Variants in FAT1 observed in about 807,000 individuals in gnomAD.
The protein encoded by FAT1 is FAT atypical cadherin 1, also known as protocadherin Fat 1.
In FAT1, 171 loss-of-function variants were observed where a neutral mutation model predicts 329.8. That is an observed-to-expected ratio of 0.52 (90% CI 0.46 to 0.59). The LOEUF (loss-of-function observed/expected upper bound fraction) is 0.59. Among genes scored for constraint, FAT1 ranks in the 20% least tolerant of loss-of-function variants. The pLI is 0.00. For missense variants in FAT1, 5,672 were observed against 5,774.4 expected (o/e 0.98, Z 0.57); for synonymous variants, 2,233 against 2,228.6 (o/e 1.00, Z -0.06).
rs77779780 is a variant in FAT1, at chr4:186,643,058, A to G, written c.3581-3275T>C. Among the ~76,000 whole-genome samples the G allele has an allele frequency of 3.9e-5, 6 of 152,220 alleles. No homozygotes were observed. In the South Asian group the frequency reaches 6.2e-4, roughly 16 times the overall value. Reference sequence around the variant, plus strand: ...ACGAAGATGTAGACTTCCACTAACAAATACAGTCACCACTAGCCTCCTGAG... The same window carrying G: ...ACGAAGATGTAGACTTCCACTAACAGATACAGTCACCACTAGCCTCCTGAG... On this transcript the variant is annotated intron_variant, in intron 3 of 26. Transcript: ENST00000441802.
At chr4:186,614,016 G>A (rs1016073230) in intron 12 of FAT1, among the ~76,000 whole-genome samples, 175 bp downstream of exon 12, 2 of 151,978 alleles carry the variant, frequency 1.3e-5, no homozygotes, top group Non-Finnish European at 1.5e-5. Flanking sequence ...ATCTCACCTT[G>A]AATTTTACGC....
rs528553183 is a variant in FAT1 at position 186,708,494 on chromosome 4, G to A, written c.1334C>T (p.Ala445Val). 4.0e-5 allele frequency: 64 copies of A among 1,613,918 alleles called. No individual in the cohort carries two copies. In the South Asian group the frequency reaches 4.3e-4, roughly 11 times the overall value. ...GACTTTCACCAAGACCTTGGTGGAC[G>A]CTTTTCTGTCACTTGTTGTTACTTC... ...ELEVTTSDRK[A>V]STKVLVKVLG... The change falls in exon 2 of 27, where the codon GCG becomes GTG. Residue 445 changes from alanine to valine, a missense_variant. This residue lies in a region of FAT1 where 3,966 missense variants were observed against 3,915.2 expected (regional missense o/e 1.01). Transcript: ENST00000441802.
Position 186,703,352 on chromosome 4 carries a change from A to T in FAT1, c.3265+3211T>A, listed in dbSNP as rs567989233. ...AAAACAGAAAACTACGTTTCAGAGGATGTTTCCAATTTAAGCAGATTTAAA... is the reference window on the plus strand; with the variant it reads ...AAAACAGAAAACTACGTTTCAGAGGTTGTTTCCAATTTAAGCAGATTTAAA... On this transcript the variant is annotated intron_variant, in intron 2 of 26. Transcript: ENST00000441802. 3.9e-5 allele frequency among the ~76,000 whole-genome samples: 6 copies of T among 152,368 alleles called. No individual in the cohort carries two copies. The East Asian group carries it at 1.2e-3, about 29-fold the overall frequency.
intron 2 of FAT1, among the ~76,000 whole-genome samples, chr4:186,700,658 T>C (rs1400564761): frequency 1.3e-5 from 2 of 152,180 alleles, no homozygotes; most frequent in East Asian, 1.9e-4. Flanking sequence ...AGATCATTCT[T>C]CAAAGAGTAA....
At chr4:186,679,991 G>C (rs747933013) in intron 2 of FAT1, among the ~76,000 whole-genome samples, 2 of 152,160 alleles carry the variant, frequency 1.3e-5, no homozygotes, top group Non-Finnish European at 2.9e-5. Flanking sequence ...AAACTAACCT[G>C]TTTACTGCTA....
chr4:186,719,557 G>A (rs1269014334), intron 1 of FAT1, among the ~76,000 whole-genome samples: 1 of 152,082 alleles, frequency 6.6e-6, no homozygotes, highest in Non-Finnish European at 1.5e-5. Context: ...AATCAACCAA[G>A]TTTGCAAACT....
Position 186,707,662 on chromosome 4 carries a change from A to G in FAT1, c.2166T>C (p.Thr722=), listed in dbSNP as rs1457700934. 1 of 1,613,902 alleles carries G rather than the reference A, an allele frequency of 6.2e-7. No individual in the cohort carries two copies. Among genetic ancestry groups the G allele is most frequent in the African/African-American group, 1.3e-5 (1 of 74,932 alleles). The change falls in exon 2 of 27, where the codon ACT becomes ACC. Residue 722 remains threonine, a synonymous_variant. Coordinates refer to ENST00000441802, the MANE Select transcript of FAT1 (RefSeq NM_005245.4). Reference sequence around the variant, plus strand: ...GCTGGTTTTCCTTTACCTGAATACCAGTCGGAAGAGTGCTTCTAAACTGCG... The same window carrying G: ...GCTGGTTTTCCTTTACCTGAATACCGGTCGGAAGAGTGCTTCTAAACTGCG... ...HIPQFRSTLP[T]GIQVKENQPV...
At chr4:186,646,380 T>C (rs375755053) in intron 3 of FAT1, among the ~76,000 whole-genome samples, 1 of 152,206 alleles carries the variant, frequency 6.6e-6, no homozygotes, top group Non-Finnish European at 1.5e-5. Flanking sequence ...ACCACAGCCA[T>C]ACACGTTCTA....
At chr4:186,678,197 A>C (rs772040522) in intron 2 of FAT1, among the ~76,000 whole-genome samples, 32 of 152,202 alleles carry the variant, frequency 2.1e-4, no homozygotes, top group Non-Finnish European at 3.7e-4. Context: ...CATATATTCA[A>C]ACTAACCACT....
At position 186,588,708 on chromosome 4, in the gene FAT1, C is replaced by A. The variant is rs775695644; in HGVS notation, c.13651G>T (p.Ala4551Ser). The change falls in exon 27 of 27, where the codon GCC becomes TCC. Residue 4551 changes from alanine to serine, a missense_variant. By Grantham distance (99) the Ala-to-Ser change is moderately conservative. Coordinates refer to ENST00000441802, the MANE Select transcript of FAT1 (RefSeq NM_005245.4). ...ASTASCSDVS[A>S]CCEVESEVMM... ...ACCTCGGACTCCACTTCGCAGCAGGCTGACACGTCAGAGCAGGAGGCGGTG... is the reference window on the plus strand; with the variant it reads ...ACCTCGGACTCCACTTCGCAGCAGGATGACACGTCAGAGCAGGAGGCGGTG... The A allele has an allele frequency of 3.7e-6, 6 of 1,613,976 alleles. No individual in the cohort carries two copies. The highest frequency in any genetic ancestry group is 5.1e-6 in the Non-Finnish European group (6 of 1,179,890).
intron 2 of FAT1, among the ~76,000 whole-genome samples, chr4:186,686,241 C>T (rs189285186): frequency 3.1e-4 from 46 of 146,214 alleles, no homozygotes; most frequent in African/African-American, 1.0e-3. Flanking sequence ...AATTTTCACC[C>T]CCCCCCGACA....
At chr4:186,604,941 A>C (rs116245480) in intron 17 of FAT1, among the ~76,000 whole-genome samples, 1 of 151,768 alleles carries the variant, frequency 6.6e-6, no homozygotes, top group Non-Finnish European at 1.5e-5. Flanking sequence ...AGACGAGGCC[A>C]GGCGCGGTGG....
chr4:186,599,609 G>A (rs1738698036), intron 22 of FAT1, among the ~76,000 whole-genome samples: 1 of 152,186 alleles, frequency 6.6e-6, no homozygotes, highest in Non-Finnish European at 1.5e-5. Flanking sequence ...GATGACTATG[G>A]AGTTAAAGAA....
Position 186,679,416 on chromosome 4 carries a change from C to CAA in FAT1, c.3266-15805_3266-15804dup, listed in dbSNP as rs1169141587. ...TGGGTGACAGAGTGAGACTCTGTCT[C>CAA]AAAAAAAAAAAAAAAAAAAAAAAAA... is the stretch of plus-strand genomic sequence containing the variant. On this transcript the variant is annotated intron_variant, in intron 2 of 26. Transcript: ENST00000441802. 3.2e-3 allele frequency among the ~76,000 whole-genome samples: 162 copies of CAA among 50,154 alleles called. 1 individual carries two copies. Among genetic ancestry groups the CAA allele is most frequent in the Non-Finnish European group, 4.2e-3 (100 of 23,614 alleles). The allele number at this position is 50,154 out of a possible 152,430, so 32.9% of individuals were successfully genotyped here.
At chr4:186,614,651 T>TA (rs1739620885) in intron 11 of FAT1, among the ~76,000 whole-genome samples, 1 of 152,214 alleles carries the variant, frequency 6.6e-6, no homozygotes, top group African/African-American at 2.4e-5. Context: ...TGAGAAAACG[T>TA]AAGTACTAAT....
At chr4:186,723,962 A>C (rs327086), upstream of FAT1, 64,009 of 149,782 alleles carry the variant, frequency 0.43, 16,087 homozygotes, top group African/African-American at 0.71. Context: ...CGGCTCTGGG[A>C]CCGCGGGCTC....
At chr4:186,714,048 T>A (rs951855408) in intron 1 of FAT1, among the ~76,000 whole-genome samples, 1 of 152,064 alleles carries the variant, frequency 6.6e-6, no homozygotes, top group African/African-American at 2.4e-5. Context: ...TTTTAGGACT[T>A]TAGAGTTTAG....
At chr4:186,703,297 T>C (rs942471434) in intron 2 of FAT1, among the ~76,000 whole-genome samples, 1 of 152,220 alleles carries the variant, frequency 6.6e-6, no homozygotes, top group Non-Finnish European at 1.5e-5. Context: ...GACAGATTTT[T>C]AGGTAGTCCA....
rs1739039926 is a variant in FAT1 at position 186,605,092 on chromosome 4, G to A, written c.10351-518C>T. ...AAATTAGCCGGGCGTGGTGGTGGGTGCCTGTAATCTCAGCACTTGGGGCTG... is the reference window on the plus strand; with the variant it reads ...AAATTAGCCGGGCGTGGTGGTGGGTACCTGTAATCTCAGCACTTGGGGCTG... On this transcript the variant is annotated intron_variant, in intron 17 of 26. Transcript: ENST00000441802. 4.6e-5 allele frequency among the ~76,000 whole-genome samples: 7 copies of A among 151,924 alleles called. No individual in the cohort carries two copies. The South Asian group carries it at 8.3e-4, about 18-fold the overall frequency.
Sources: allele counts gnomAD v4.1 joint callset (sites outside exome capture counted in the v4.1 genomes callset), GRCh38; gene constraint gnomAD v4.1.1; regional missense constraint gnomAD v4.1.1; transcripts MANE v1.5; gene names NCBI Gene and HGNC (gene_info 2026-07-23, HGNC 2026-07-21).